The following GPC1 variants were observed in gnomAD, a reference collection of about 807,000 sequenced individuals.
GPC1 encodes glypican 1.
Under a neutral mutation model 51.5 loss-of-function variants are expected in GPC1, and 26 were observed. The observed-to-expected ratio is 0.50, with a 90% CI of 0.37 to 0.70. The LOEUF is 0.70. GPC1 is among the 30% of genes least tolerant of loss of function. GPC1 has a pLI of 0.00. For synonymous variants in GPC1, 380 were observed against 348.3 expected, an observed-to-expected ratio of 1.09 and a Z score of -1.01; for missense variants, 775 against 800.5, an observed-to-expected ratio of 0.97 and a Z score of 0.38.
intron 1 of GPC1, chr2:240,450,995 G>A (rs1307811993): frequency 1.2e-5 from 5 of 412,730 alleles, no homozygotes; most frequent in Non-Finnish European, 2.6e-5. Context: ...GTGACTGGGT[G>A]GAGTGACTGG....
intron 1 of GPC1, chr2:240,452,919 G>T: frequency 3.4e-6 from 1 of 295,824 alleles, no homozygotes; most frequent in Non-Finnish European, 6.8e-6. Context: ...CGCCTCCTGC[G>T]AGCCCTTCCG....
At chr2:240,460,567 C>T (rs1261576066) in intron 2 of GPC1, among the ~76,000 whole-genome samples, 1 of 152,220 alleles carries the variant, frequency 6.6e-6, no homozygotes, top group Non-Finnish European at 1.5e-5. Flanking sequence ...CTGCTTCCTC[C>T]TGGCTCTTAG....
chr2:240,465,371 C>A, intron 7 of GPC1, 102 bp from the exon 8 acceptor site: 1 of 1,363,894 alleles, frequency 7.3e-7, no homozygotes, highest in Non-Finnish European at 1.0e-6. Context: ...CTGGAAGCTG[C>A]TGGGCATCTC....
rs2074263552 is a variant in GPC1 at position 240,466,578 on chromosome 2, C to CGG, written c.*288_*289insGG. On this transcript the variant is annotated 3_prime_UTR_variant, in exon 9 of 9. Coordinates refer to ENST00000264039, the MANE Select transcript of GPC1 (RefSeq NM_002081.3). ...TCCGGCTGCCTAGCCCTCCCCCCAGCTCCCTGCACCGCCGCAGAAGCAGCC... is the reference window on the plus strand; with the variant it reads ...TCCGGCTGCCTAGCCCTCCCCCCAGCGGTCCCTGCACCGCCGCAGAAGCAGCC... The CGG allele has an allele frequency of 2.3e-6, 1 of 436,874 alleles. No individual in the cohort carries two copies. The highest frequency in any genetic ancestry group is 3.9e-5 in the Admixed American group (1 of 25,400). The allele number at this position is 436,874 out of a possible 1,614,324, so 27.1% of individuals were successfully genotyped here.
intron 4 of GPC1, 58 bp downstream of exon 4, chr2:240,463,570 G>A: frequency 6.1e-6 from 9 of 1,483,062 alleles, no homozygotes; most frequent in Admixed American, 3.5e-5. Flanking sequence ...ACGACTGGGG[G>A]TCCTGGGGGG....
chr2:240,458,107 ACCT>A (rs1242246914), intron 1 of GPC1: 1 of 467,768 alleles, frequency 2.1e-6, no homozygotes, highest in Non-Finnish European at 4.5e-6. Flanking sequence ...CTGGGACGAG[ACCT>A]CATCCCTGTA....
intron 3 of GPC1, 138 bp downstream of exon 3, chr2:240,462,720 G>T (rs1574778166): frequency 6.8e-6 from 5 of 732,254 alleles, no homozygotes; most frequent in African/African-American, 1.8e-5. Context: ...CACAGCCTCA[G>T]TCCCTCCTGC....
chr2:240,448,025 T>C lies in GPC1; in HGVS notation c.167-11005T>C, dbSNP rs1004183946. On this transcript the variant is annotated intron_variant, in intron 1 of 8. Transcript: ENST00000264039. The surrounding 1 kb of genome is among the most constrained non-coding windows in gnomAD (Gnocchi z 4.5). ...AAGAAGAGTTGCTGCCAGGCCATTC[T>C]GGGTGGAACACAGTGTCCCCAGGGC... is the stretch of plus-strand genomic sequence containing the variant. 5.9e-5 allele frequency among the ~76,000 whole-genome samples: 9 copies of C among 152,152 alleles called. No individual in the cohort carries two copies. Among genetic ancestry groups the C allele is most frequent in the Non-Finnish European group, 1.3e-4 (9 of 68,014 alleles).
At position 240,467,274 on chromosome 2, in the gene GPC1, C is replaced by G. The variant is rs570149336; in HGVS notation, c.*984C>G. 6.6e-6 allele frequency: 1 copy of G among 152,474 alleles called. No individual in the cohort carries two copies. Among genetic ancestry groups the G allele is most frequent in the Admixed American group, 6.5e-5 (1 of 15,312 alleles). The allele number at this position is 152,474 out of a possible 1,614,324, so 9.4% of individuals were successfully genotyped here. A position where few individuals can be genotyped will look rare whatever the true frequency, so the allele number is the denominator to read the frequency against. On this transcript the variant is annotated 3_prime_UTR_variant, in exon 9 of 9. Coordinates refer to ENST00000264039, the MANE Select transcript of GPC1 (RefSeq NM_002081.3). ...AGGGATGCTGGTGGCTGGTGAGACC[C>G]CGCACTGCAGACGGGAATGCCTAGG...
chr2:240,458,087 C>T (rs1290493095), intron 1 of GPC1: 2 of 470,730 alleles, frequency 4.2e-6, no homozygotes, highest in Admixed American at 2.4e-5. Context: ...CTTGCCCCCT[C>T]ACTGTATAGC....
At chr2:240,444,987 C>T (rs931536260) in intron 1 of GPC1, among the ~76,000 whole-genome samples, 8 of 152,198 alleles carry the variant, frequency 5.3e-5, no homozygotes, top group Non-Finnish European at 7.3e-5. Context: ...TTGGCTCAGG[C>T]GTTTACATGC....
chr2:240,455,857 CA>C, intron 1 of GPC1: 1 of 285,734 alleles, frequency 3.5e-6, no homozygotes, highest in South Asian at 2.6e-5. Flanking sequence ...CGGAGCTCCG[CA>C]GAAGGAAGCC....
intron 1 of GPC1, chr2:240,456,597 C>T (rs2074166711): frequency 2.1e-6 from 1 of 470,790 alleles, no homozygotes; most frequent in Non-Finnish European, 4.4e-6. Context: ...AGCCCATTAC[C>T]ATCATGTGTC....
intron 1 of GPC1, chr2:240,458,754 G>T: frequency 2.4e-6 from 1 of 422,728 alleles, no homozygotes. Flanking sequence ...TGGGACAGCA[G>T]GCTGGGGGGC....
At chr2:240,455,355 AAG>A (rs747880641) in intron 1 of GPC1, among the ~76,000 whole-genome samples, 3 of 152,288 alleles carry the variant, frequency 2.0e-5, no homozygotes, top group South Asian at 4.1e-4. Flanking sequence ...GGGATCAGGG[AAG>A]AGAGGGTCCA....
At chr2:240,442,022 G>A (rs10194112) in intron 1 of GPC1, among the ~76,000 whole-genome samples, 65,648 of 151,944 alleles carry the variant, frequency 0.43, 15,212 homozygotes, top group Non-Finnish European at 0.51. Flanking sequence ...CCCCTGAGAG[G>A]GCCAGGCCAG....
At chr2:240,459,721 C>T (rs990125826) in intron 2 of GPC1, among the ~76,000 whole-genome samples, 35 of 152,160 alleles carry the variant, frequency 2.3e-4, no homozygotes, top group African/African-American at 7.5e-4. Flanking sequence ...GGGAGTGACC[C>T]CTGCAGGCCT....
At chr2:240,451,998 A>G (rs1234700363) in intron 1 of GPC1, 1 of 152,978 alleles carries the variant, frequency 6.5e-6, no homozygotes, top group African/African-American at 2.4e-5. Flanking sequence ...TCTGTCCAGC[A>G]GCTCTCAGTG....
intron 1 of GPC1, chr2:240,457,914 C>CTG (rs1559200403): frequency 3.1e-5 from 12 of 382,722 alleles, no homozygotes; most frequent in South Asian, 2.3e-4. Flanking sequence ...ACAACGCCCC[C>CTG]CCTTGACCCC....
Sources: gnomAD v4.1 joint callset for allele counts (sites outside exome capture counted in the v4.1 genomes callset) on GRCh38, gnomAD v4.1.1 for gene constraint, Gnocchi (gnomAD v3.1) non-coding constraint, MANE v1.5 for transcripts, NCBI Gene and HGNC (gene_info 2026-07-23, HGNC 2026-07-21) for gene names.